Variants in TRPM2 observed in about 807,000 individuals in gnomAD.
TRPM2 encodes estrogen-responsive element-associated gene 1 protein.
A neutral mutation model predicts 174.0 loss-of-function variants in TRPM2; 161 were observed. That is an observed-to-expected ratio of 0.93 (90% CI 0.81 to 1.05). TRPM2 has a LOEUF of 1.05. TRPM2 is among the 50% of genes least tolerant of loss of function. TRPM2 has a pLI of 0.00. For synonymous variants in TRPM2, 954 were observed against 861.3 expected (o/e 1.11, Z -1.88); for missense variants, 2,057 against 2,038.0 (o/e 1.01, Z -0.18).
chr21:44,387,017 T>G (rs1296185368), intron 9 of TRPM2, among the ~76,000 whole-genome samples: 1 of 152,054 alleles, frequency 6.6e-6, no homozygotes, highest in Non-Finnish European at 1.5e-5. Flanking sequence ...TGGTGAAACC[T>G]TGTCTCTATA....
intron 2 of TRPM2, among the ~76,000 whole-genome samples, chr21:44,362,039 CTT>C (rs1262053388): frequency 6.6e-6 from 1 of 152,188 alleles, no homozygotes; most frequent in East Asian, 1.9e-4. Flanking sequence ...TCTTGTATCA[CTT>C]TTTCTTAAAG....
At chr21:44,374,079 T>C (rs7278527) in intron 5 of TRPM2, among the ~76,000 whole-genome samples, 41,596 of 151,518 alleles carry the variant, frequency 0.27, 6,700 homozygotes, top group African/African-American at 0.46. Flanking sequence ...GGTGCGATCT[T>C]GGCTCACTGC....
chr21:44,360,379 G>A (rs28636732), intron 2 of TRPM2, among the ~76,000 whole-genome samples: 38,540 of 151,770 alleles, frequency 0.25, 5,426 homozygotes, highest in African/African-American at 0.39. Flanking sequence ...GCCCCATGTC[G>A]TCTGCTTGGA....
chr21:44,406,452 C>A lies in TRPM2; in HGVS notation c.2791-142C>A, dbSNP rs2049879509. On this transcript the variant is annotated intron_variant, in intron 18 of 31. Transcript: ENST00000397928. ...GTCCACGAGGGTGTGGGGGCAGCCCCAGGACTGCTCCTGGGAGCCTCCTGC... is the reference window on the plus strand; with the variant it reads ...GTCCACGAGGGTGTGGGGGCAGCCCAAGGACTGCTCCTGGGAGCCTCCTGC... 14 of 1,042,612 alleles carry A rather than the reference C, an allele frequency of 1.3e-5. No homozygotes were observed. The South Asian group carries it at 2.3e-4, about 17-fold the overall frequency. The allele number at this position is 1,042,612 out of a possible 1,614,324, so 64.6% of individuals were successfully genotyped here. A position where few individuals can be genotyped will look rare whatever the true frequency, so the allele number is the denominator to read the frequency against.
At chr21:44,415,014 A>T (rs1016520689) in intron 20 of TRPM2, 1 of 152,096 alleles carries the variant, frequency 6.6e-6, no homozygotes, top group Non-Finnish European at 1.5e-5. Flanking sequence ...CCAGCCCTAG[A>T]CGTGTTCCTG....
At chr21:44,383,317 A>G (rs1000856716) in intron 9 of TRPM2, among the ~76,000 whole-genome samples, 37 of 152,128 alleles carry the variant, frequency 2.4e-4, no homozygotes, top group Non-Finnish European at 5.9e-5. Context: ...GCCACAGGAG[A>G]GAAGGCTTAT....
At chr21:44,426,610 C>G in intron 25 of TRPM2, 50 bp from the exon 26 acceptor site, 2 of 1,596,268 alleles carry the variant, frequency 1.3e-6, no homozygotes, top group Non-Finnish European at 1.7e-6. Context: ...CCTGGCCCAG[C>G]TTTGCAGTGG....
At chr21:44,351,677 G>A (rs2047927651), upstream of TRPM2, among the ~76,000 whole-genome samples, 1 of 152,200 alleles carries the variant, frequency 6.6e-6, no homozygotes, top group Non-Finnish European at 1.5e-5. Context: ...GGTTTTCAGG[G>A]TTCTGCACCC....
chr21:44,426,543 A>G, intron 25 of TRPM2, 117 bp from the exon 26 acceptor site: 1 of 1,027,866 alleles, frequency 9.7e-7, no homozygotes, highest in South Asian at 1.3e-5. Context: ...TCTGCCCTGC[A>G]TGTTGGGATG....
At position 44,366,664 on chromosome 21, in the gene TRPM2, G is replaced by A. The variant is rs762451902; in HGVS notation, c.424-90G>A. 1.1e-4 allele frequency: 167 copies of A among 1,577,270 alleles called. No homozygotes were observed. The highest frequency in any genetic ancestry group is 2.2e-4 in the Middle Eastern group (1 of 4,522). ...GAAAGGTGTGCGGTGTCTGCCGCCC[G>A]CTGGGGCCTCTCTGCATGGCCTGTG... On this transcript the variant is annotated intron_variant, in intron 3 of 31. Coordinates refer to ENST00000397928, the MANE Select transcript of TRPM2 (RefSeq NM_003307.4). This position sits in a 1 kb window ranked among gnomAD's most constrained non-coding sequence, Gnocchi z 6.0.
At chr21:44,382,213 T>C (rs1166384268) in intron 8 of TRPM2, among the ~76,000 whole-genome samples, 1 of 151,980 alleles carries the variant, frequency 6.6e-6, no homozygotes, top group Non-Finnish European at 1.5e-5. Flanking sequence ...AACACACACA[T>C]GGATGGATAG....
intron 2 of TRPM2, among the ~76,000 whole-genome samples, chr21:44,355,498 C>T (rs758122397): frequency 3.3e-5 from 5 of 152,198 alleles, no homozygotes; most frequent in African/African-American, 7.2e-5. Context: ...CTGCCTCTGC[C>T]GTGCAGCCTT....
chr21:44,430,879 A>G (rs1291345281), intron 27 of TRPM2, among the ~76,000 whole-genome samples: 1 of 142,256 alleles, frequency 7.0e-6, no homozygotes, highest in African/African-American at 2.6e-5. Flanking sequence ...ACAGATGTCC[A>G]TAATATTCTT....
chr21:44,370,022 G>A (rs192105144), intron 5 of TRPM2, among the ~76,000 whole-genome samples: 55 of 152,028 alleles, frequency 3.6e-4, no homozygotes, highest in African/African-American at 1.3e-3. Flanking sequence ...TGGAGTGTGC[G>A]GGGGAGGCGG....
intron 2 of TRPM2, among the ~76,000 whole-genome samples, chr21:44,362,269 C>T (rs2048230957): frequency 6.7e-6 from 1 of 149,850 alleles, no homozygotes; most frequent in South Asian, 2.1e-4. Context: ...CTTTGGGAAG[C>T]TGAGGTGGGC....
intron 22 of TRPM2, among the ~76,000 whole-genome samples, chr21:44,421,297 G>A (rs922157780): frequency 1.3e-5 from 2 of 151,368 alleles, no homozygotes; most frequent in African/African-American, 2.4e-5. Context: ...CAGCCTGGGC[G>A]ACAGAGCAAG....
chr21:44,437,277 G>GCCCCCTGCAA, intron 29 of TRPM2, 110 bp downstream of exon 29: 1 of 1,049,962 alleles, frequency 9.5e-7, no homozygotes, highest in Non-Finnish European at 1.4e-6. Context: ...GCCCCCTGCA[G>GCCCCCTGCAA]CCCCTGGGCA....
intron 16 of TRPM2, 48 bp from the exon 17 acceptor site, chr21:44,405,094 G>A (rs752615365): frequency 3.5e-5 from 57 of 1,607,890 alleles, no homozygotes; most frequent in Non-Finnish European, 4.5e-5. Flanking sequence ...AGTGAGGATA[G>A]TAAGAGTGAC....
At chr21:44,427,184 G>A (rs2050830022) in intron 27 of TRPM2, 73 bp downstream of exon 27, 12 of 1,267,076 alleles carry the variant, frequency 9.5e-6, no homozygotes, top group Non-Finnish European at 1.3e-5. Context: ...TCCTCTCTGG[G>A]CAAAGGAAGC....
Sources: allele counts gnomAD v4.1 joint callset (sites outside exome capture counted in the v4.1 genomes callset), GRCh38; gene constraint gnomAD v4.1.1; non-coding constraint Gnocchi (gnomAD v3.1); transcripts MANE v1.5; gene names NCBI Gene and HGNC (gene_info 2026-07-23, HGNC 2026-07-21).